The following NBEA variants were observed in gnomAD, a reference collection of about 807,000 sequenced individuals.
The protein encoded by NBEA is lysosomal-trafficking regulator 2.
NBEA carries 44 observed loss-of-function variants against 343.4 expected under a neutral mutation model. The observed-to-expected ratio is 0.13, with a 90% CI of 0.10 to 0.16. NBEA has a LOEUF of 0.16. Ranked by LOEUF, NBEA falls within the 10% of genes least tolerant of loss-of-function variation. NBEA has a pLI of 1.00. For synonymous variants in NBEA, 1,175 were observed against 1,238.7 expected, an observed-to-expected ratio of 0.95 and a Z score of 1.08; for missense variants, 2,555 against 3,631.3, an observed-to-expected ratio of 0.70 and a Z score of 7.62.
At chr13:35,330,497 A>C (rs2038859337) in intron 36 of NBEA, among the ~76,000 whole-genome samples, 1 of 151,972 alleles carries the variant, frequency 6.6e-6, no homozygotes, top group African/African-American at 2.4e-5. Context: ...GGTTTCATCC[A>C]GTGTTAATTC....
At chr13:35,232,464 A>T in intron 33 of NBEA, 28 bp from the exon 34 acceptor site, 2 of 1,390,746 alleles carry the variant, frequency 1.4e-6, no homozygotes, top group Non-Finnish European at 2.0e-6. Context: ...AATTATATTT[A>T]TTAGTTTTTA....
chr13:35,513,330 T>TC (rs2077360903), intron 41 of NBEA, among the ~76,000 whole-genome samples: 1 of 135,082 alleles, frequency 7.4e-6, no homozygotes, highest in African/African-American at 2.9e-5. Context: ...TTTTTTTTTT[T>TC]AGTAGAGATG....
intron 41 of NBEA, chr13:35,474,942 T>G: frequency 8.3e-7 from 1 of 1,198,912 alleles, no homozygotes; most frequent in Non-Finnish European, 1.2e-6. Flanking sequence ...TATTATTCCT[T>G]TTTAAAGGAA....
chr13:35,584,791 C>G (rs994171441), intron 46 of NBEA, among the ~76,000 whole-genome samples: 1 of 152,148 alleles, frequency 6.6e-6, no homozygotes, highest in East Asian at 1.9e-4. Flanking sequence ...TGAGCCACCA[C>G]GCCCGGCCCA....
intron 41 of NBEA, among the ~76,000 whole-genome samples, chr13:35,523,925 A>G (rs1397936830): frequency 6.6e-6 from 1 of 152,092 alleles, no homozygotes. Context: ...TTGAATTCCA[A>G]ATTCATGAAG....
At chr13:35,420,208 A>G (rs1419796406) in intron 38 of NBEA, among the ~76,000 whole-genome samples, 2 of 152,038 alleles carry the variant, frequency 1.3e-5, no homozygotes, top group Admixed American at 6.6e-5. Context: ...TCCCAGTTTT[A>G]GGTGGAGAAC....
In NBEA at chr13:35,570,786, T is replaced by C. The variant is rs112556086; in HGVS notation, c.7035+3769T>C. On this transcript the variant is annotated intron_variant, in intron 45 of 58. Transcript: ENST00000379939. ...GTATAAAATCCATCAATAAACAAGA[T>C]TTTAATGTATGAAAATATATCTTTT... Among the ~76,000 whole-genome samples, 466 of 152,252 alleles carry C rather than the reference T, an allele frequency of 3.1e-3. 4 individuals carry two copies. The highest frequency in any genetic ancestry group is 0.01 in the African/African-American group (418 of 41,552).
intron 17 of NBEA, among the ~76,000 whole-genome samples, chr13:35,134,056 A>G (rs751036480): frequency 2.0e-5 from 3 of 152,092 alleles, no homozygotes; most frequent in Non-Finnish European, 4.4e-5. Context: ...TAAAAGTTCA[A>G]AAGAGAATGT....
chr13:35,403,317 G>T (rs1168495456), intron 38 of NBEA, among the ~76,000 whole-genome samples: 2 of 151,854 alleles, frequency 1.3e-5, no homozygotes. Flanking sequence ...GTACTATAGG[G>T]TTGCAAAGCT....
chr13:35,647,778 GCTAGTC>G (rs2084306946), intron 51 of NBEA, among the ~76,000 whole-genome samples: 1 of 152,078 alleles, frequency 6.6e-6, no homozygotes. Context: ...TGTTGGTCAG[GCTAGTC>G]TCAAACTCCT....
At chr13:35,257,247 A>G (rs2032718498) in intron 34 of NBEA, among the ~76,000 whole-genome samples, 1 of 152,230 alleles carries the variant, frequency 6.6e-6, no homozygotes, top group Non-Finnish European at 1.5e-5. Flanking sequence ...TATATGAGGC[A>G]TGTACAGGTC....
chr13:35,448,091 T>C (rs1303276138), intron 39 of NBEA, among the ~76,000 whole-genome samples: 1 of 152,190 alleles, frequency 6.6e-6, no homozygotes, highest in Non-Finnish European at 1.5e-5. Context: ...TGCAAACTGA[T>C]AACACTTCAA....
intron 41 of NBEA, among the ~76,000 whole-genome samples, chr13:35,479,438 C>A (rs1332565227): frequency 6.6e-6 from 1 of 152,084 alleles, no homozygotes; most frequent in African/African-American, 2.4e-5. Flanking sequence ...ATTGTTGAAG[C>A]GAGAATTAAG....
chr13:35,156,092 A>G lies in NBEA; in HGVS notation c.2537A>G (p.Lys846Arg). 1 of 1,579,926 alleles carries G rather than the reference A, an allele frequency of 6.3e-7. No individual in the cohort carries two copies. The highest frequency in any genetic ancestry group is 1.4e-5 in the African/African-American group (1 of 72,990). Residue 846 changes from lysine to arginine, a missense_variant, in exon 20 of 59, where the codon AAA (lysine) becomes AGA (arginine). By Grantham distance (26) the Lys-to-Arg change is conservative. This residue lies in a region of NBEA where 360 missense variants were observed against 519.1 expected (regional missense o/e 0.69). Coordinates refer to ENST00000379939, the MANE Select transcript of NBEA (RefSeq NM_001385012.1). ...TVKIQNPMIL[K>R]VVATLLKNST... The stretch of plus-strand genomic sequence containing the variant: ...TTTTCTTTGTTTACAGTGATTCTTA[A>G]AGTGGTGGCAACTTTGTTAAAAAAC...
At chr13:35,047,948 C>T (rs1199387026) in intron 4 of NBEA, among the ~76,000 whole-genome samples, 1 of 151,584 alleles carries the variant, frequency 6.6e-6, no homozygotes, top group Non-Finnish European at 1.5e-5. Context: ...TATTTGATTG[C>T]TATTTTCAAG....
intron 20 of NBEA, 147 bp downstream of exon 20, chr13:35,156,353 T>G (rs1207573331): frequency 8.7e-6 from 6 of 690,596 alleles, no homozygotes; most frequent in Non-Finnish European, 8.7e-6. Context: ...TGACATAATC[T>G]GTATTCGGTA....
At chr13:35,623,524 AT>A (rs1338873367) in intron 48 of NBEA, among the ~76,000 whole-genome samples, 2 of 152,104 alleles carry the variant, frequency 1.3e-5, no homozygotes, top group Non-Finnish European at 2.9e-5. Context: ...TTCCTTTGCC[AT>A]TTAATTTTAT....
chr13:35,600,031 G>T (rs543595978), intron 47 of NBEA, among the ~76,000 whole-genome samples: 2 of 152,218 alleles, frequency 1.3e-5, no homozygotes, highest in South Asian at 4.1e-4. Context: ...GCTTGAGAAT[G>T]GTCACCCCAT....
chr13:35,190,142 C>T (rs2072069160), intron 30 of NBEA, among the ~76,000 whole-genome samples: 1 of 152,064 alleles, frequency 6.6e-6, no homozygotes, highest in African/African-American at 2.4e-5. Flanking sequence ...ATTCACAGGG[C>T]TTATTATTAT....
Sources: gnomAD v4.1 joint callset for allele counts (sites outside exome capture counted in the v4.1 genomes callset) on GRCh38, gnomAD v4.1.1 for gene constraint, gnomAD v4.1.1 regional missense constraint, MANE v1.5 for transcripts, NCBI Gene and HGNC (gene_info 2026-07-23, HGNC 2026-07-21) for gene names.